The following NEK11 variants were observed in gnomAD, a reference collection of about 807,000 sequenced individuals.
NEK11 encodes NIMA related kinase 11.
In NEK11, 72 loss-of-function variants were observed where a neutral mutation model predicts 80.7. The observed-to-expected ratio is 0.89, with a 90% confidence interval of 0.74 to 1.08. The LOEUF (loss-of-function observed/expected upper bound fraction) is 1.08, where lower values mean the gene tolerates loss of function less well. Ranked by LOEUF, NEK11 falls within the 50% of genes least tolerant of loss-of-function variation. The pLI, the probability that NEK11 is intolerant of heterozygous loss-of-function variation, is 0.00. For synonymous variants in NEK11, 251 were observed against 260.7 expected, an observed-to-expected ratio of 0.96 and a Z score of 0.36; for missense variants, 764 against 763.6, an observed-to-expected ratio of 1.00 and a Z score of -0.01.
intron 5 of NEK11, among the ~76,000 whole-genome samples, chr3:131,113,253 G>T (rs903599923): frequency 2.0e-5 from 3 of 152,000 alleles, no homozygotes; most frequent in Non-Finnish European, 4.4e-5. Flanking sequence ...TTATGAATAT[G>T]CTGGGTAGAA....
At chr3:131,062,430 T>C (rs80096247) in intron 3 of NEK11, among the ~76,000 whole-genome samples, 2,587 of 152,306 alleles carry the variant, frequency 0.017, 34 homozygotes, top group Middle Eastern at 0.027. Flanking sequence ...CCAACTTTGT[T>C]GAAGAATAAT....
intron 14 of NEK11, among the ~76,000 whole-genome samples, chr3:131,203,028 T>C (rs959950732): frequency 6.6e-6 from 1 of 152,192 alleles, no homozygotes; most frequent in African/African-American, 2.4e-5. Context: ...TGGCGATTCT[T>C]CAGGGATCTA....
intron 5 of NEK11, among the ~76,000 whole-genome samples, chr3:131,128,067 C>T (rs1219408753): frequency 2.6e-5 from 4 of 152,166 alleles, no homozygotes; most frequent in African/African-American, 7.2e-5. Flanking sequence ...AGAGATTTCC[C>T]TTATACCCCC....
At chr3:131,164,875 A>G (rs1297231734) in intron 11 of NEK11, among the ~76,000 whole-genome samples, 1 of 152,222 alleles carries the variant, frequency 6.6e-6, no homozygotes, top group African/African-American at 2.4e-5. Context: ...AAACCTGAGT[A>G]TAAATTAGCC....
chr3:131,161,148 T>TC (rs2091505792), intron 10 of NEK11, among the ~76,000 whole-genome samples: 1 of 71,734 alleles, frequency 1.4e-5, no homozygotes, highest in Non-Finnish European at 3.2e-5. Flanking sequence ...AGACTCCATC[T>TC]CAAAAAAAAA....
intron 16 of NEK11, among the ~76,000 whole-genome samples, chr3:131,271,075 G>C (rs2096175544): frequency 6.6e-6 from 1 of 152,148 alleles, no homozygotes; most frequent in South Asian, 2.1e-4. Context: ...TATCTGTCCT[G>C]GCCAGAGTTA....
At chr3:131,160,924 C>A (rs1313185237) in intron 10 of NEK11, among the ~76,000 whole-genome samples, 1 of 152,104 alleles carries the variant, frequency 6.6e-6, no homozygotes, top group East Asian at 1.9e-4. Context: ...ATTCATAGGG[C>A]AAGTTCTCAG....
chr3:131,225,214 C>A (rs944567512), intron 14 of NEK11, among the ~76,000 whole-genome samples: 1 of 152,268 alleles, frequency 6.6e-6, no homozygotes. Flanking sequence ...TTAAGATACA[C>A]AAGTACTTAC....
At chr3:131,335,949 C>T (rs1175028961) in intron 17 of NEK11, among the ~76,000 whole-genome samples, 2 of 152,136 alleles carry the variant, frequency 1.3e-5, no homozygotes, top group African/African-American at 4.8e-5. Context: ...CTACAAACCA[C>T]TGCTCAATGA....
chr3:131,102,832 T>C (rs1457868911), intron 4 of NEK11, among the ~76,000 whole-genome samples: 1 of 152,226 alleles, frequency 6.6e-6, no homozygotes, highest in Non-Finnish European at 1.5e-5. Flanking sequence ...TCTCTTTATA[T>C]AATCCTATAT....
Position 131,152,512 on chromosome 3 carries a change from A to G in NEK11, c.772A>G (p.Lys258Glu), listed in dbSNP as rs777979775. ...ACCTTCTCTCCCTGAGAGATATCCA[A>G]AAGAACTAAATGCCATCATGGAAAG... ...DTPSLPERYP[K>E]ELNAIMESML... Residue 258 changes from lysine to glutamate, a missense_variant, in exon 8 of 18, where the codon AAA (lysine) becomes GAA (glutamate). Lys to Glu is a moderately conservative substitution (Grantham distance 56). Coordinates refer to ENST00000383366, the MANE Select transcript of NEK11 (RefSeq NM_024800.5). 3.1e-6 allele frequency: 5 copies of G among 1,613,596 alleles called. No homozygotes were observed. The East Asian group carries it at 8.9e-5, about 29-fold the overall frequency.
At chr3:131,154,032 A>G (rs2090187606) in intron 9 of NEK11, among the ~76,000 whole-genome samples, 1 of 152,196 alleles carries the variant, frequency 6.6e-6, no homozygotes, top group South Asian at 2.1e-4. Flanking sequence ...GGTCCTGATT[A>G]TGTTGTGCCT....
At chr3:131,071,136 T>C (rs1245767259) in intron 3 of NEK11, among the ~76,000 whole-genome samples, 1 of 152,164 alleles carries the variant, frequency 6.6e-6, no homozygotes, top group East Asian at 1.9e-4. Context: ...GGTATGAATA[T>C]CTGCCATTTT....
At position 131,029,857 on chromosome 3, in the gene NEK11, A is replaced by G. The variant is rs1391696208; in HGVS notation, c.149A>G (p.Lys50Arg). 2 of 1,614,234 alleles carry G rather than the reference A, an allele frequency of 1.2e-6. No individual in the cohort carries two copies. Among genetic ancestry groups the G allele is most frequent in the Admixed American group, 3.3e-5 (2 of 60,032 alleles). The change falls in exon 3 of 18, where the codon AAA becomes AGA. Residue 50 changes from lysine to arginine, a missense_variant. By Grantham distance (26) the Lys-to-Arg change is conservative (BLOSUM62 2). Coordinates refer to ENST00000383366, the MANE Select transcript of NEK11 (RefSeq NM_024800.5). ...ACTGTCTATCTGGTTTCAGACAAGA[A>G]AGCCAAACGAGGAGAGGAATTGTAA... ...FGTVYLVSDK[K>R]AKRGEELKVL...
rs536153431 is a variant in NEK11 at position 131,159,291 on chromosome 3, G to C, written c.963-3117G>C. Among the ~76,000 whole-genome samples, 9 of 152,240 alleles carry C rather than the reference G, an allele frequency of 5.9e-5. No individual in the cohort carries two copies. In the South Asian group the frequency reaches 1.7e-3, roughly 28 times the overall value. On this transcript the variant is annotated intron_variant, in intron 10 of 17. Transcript: ENST00000383366. ...AAGGGTTCTGAGACAGACTGAGAAGGCTGAAATGACAGAAATAGAATTCTG... is the reference window on the plus strand; with the variant it reads ...AAGGGTTCTGAGACAGACTGAGAAGCCTGAAATGACAGAAATAGAATTCTG...
At chr3:131,284,455 C>A (rs915807827) in intron 17 of NEK11, among the ~76,000 whole-genome samples, 10 of 152,148 alleles carry the variant, frequency 6.6e-5, no homozygotes, top group African/African-American at 2.4e-4. Flanking sequence ...CATATTGATG[C>A]AGAGTGAAAA....
chr3:131,252,742 G>A (rs1276003009), intron 16 of NEK11, among the ~76,000 whole-genome samples: 1 of 152,062 alleles, frequency 6.6e-6, no homozygotes, highest in Non-Finnish European at 1.5e-5. Context: ...CCAAGAATTT[G>A]TATTTCTGAC....
intron 16 of NEK11, among the ~76,000 whole-genome samples, chr3:131,261,969 G>T (rs1240686317): frequency 1.3e-5 from 2 of 151,558 alleles, no homozygotes; most frequent in Non-Finnish European, 2.9e-5. Flanking sequence ...GCAAAATAAA[G>T]AATGGAAAAA....
At chr3:131,265,333 A>T (rs757335269) in intron 16 of NEK11, among the ~76,000 whole-genome samples, 2 of 152,152 alleles carry the variant, frequency 1.3e-5, no homozygotes, top group Non-Finnish European at 2.9e-5. Flanking sequence ...CCCATTCAGT[A>T]TGATACTGGC....
Sources: gnomAD v4.1 joint callset for allele counts (sites outside exome capture counted in the v4.1 genomes callset) on GRCh38, gnomAD v4.1.1 for gene constraint, MANE v1.5 for transcripts, NCBI Gene and HGNC (gene_info 2026-07-23, HGNC 2026-07-21) for gene names.